Variants in KDM4D observed in about 807,000 individuals in gnomAD.
KDM4D encodes lysine-specific demethylase 4D.
For missense variants in KDM4D, 427 were observed against 674.8 expected, an observed-to-expected ratio of 0.63 and a Z score of 4.07; for synonymous variants, 254 against 249.1, an observed-to-expected ratio of 1.02 and a Z score of -0.19.
chr11:94,983,878 T>C (rs998394953), intron 2 of KDM4D, among the ~76,000 whole-genome samples: 1 of 152,174 alleles, frequency 6.6e-6, no homozygotes, highest in Non-Finnish European at 1.5e-5. Flanking sequence ...GGATAGCCAC[T>C]AGGTAGAGCA....
chr11:94,992,582 A>C (rs1304279419), intron 2 of KDM4D, among the ~76,000 whole-genome samples: 1 of 152,014 alleles, frequency 6.6e-6, no homozygotes, highest in Non-Finnish European at 1.5e-5. Flanking sequence ...TGTAAAATAT[A>C]TTTTTTCTTT....
chr11:94,984,092 A>G (rs1857864383), intron 2 of KDM4D, among the ~76,000 whole-genome samples: 1 of 152,190 alleles, frequency 6.6e-6, no homozygotes, highest in African/African-American at 2.4e-5. Context: ...CAGACCATAT[A>G]TAGTGTATGT....
intron 2 of KDM4D, among the ~76,000 whole-genome samples, chr11:94,992,104 G>A (rs1003873114): frequency 6.6e-6 from 1 of 151,362 alleles, no homozygotes; most frequent in Non-Finnish European, 1.5e-5. Context: ...CATATACAAA[G>A]GAAAAAACTA....
intron 2 of KDM4D, among the ~76,000 whole-genome samples, chr11:94,975,997 A>G (rs782166341): frequency 2.0e-4 from 31 of 152,360 alleles, no homozygotes; most frequent in Middle Eastern, 3.4e-3. Flanking sequence ...AATATAGTCA[A>G]TCCACAAAAT....
Position 94,978,068 on chromosome 11 carries a change from G to A in KDM4D, c.-350+2320G>A, listed in dbSNP as rs587671061. ...AGACCCAGAAATATGACTTTCTTTC[G>A]GGAGAGAATCTCTAAATGAAAAAAA... On this transcript the variant is annotated intron_variant, in intron 2 of 2. Coordinates refer to ENST00000335080, the MANE Select transcript of KDM4D (RefSeq NM_018039.3). Among the ~76,000 whole-genome samples, 14 of 152,072 alleles carry A rather than the reference G, an allele frequency of 9.2e-5. No homozygotes were observed. The South Asian group carries it at 2.3e-3, about 25-fold the overall frequency.
At position 94,988,328 on chromosome 11, in the gene KDM4D, A is replaced by G. The variant is rs1466091856; in HGVS notation, c.-349-8696A>G. Among the ~76,000 whole-genome samples, 3 of 152,330 alleles carry G rather than the reference A, an allele frequency of 2.0e-5. No homozygotes were observed. In the East Asian group the frequency reaches 5.8e-4, roughly 29 times the overall value. ...GCATACTTTGGGAGAGAGTTGTGATATTTGTGGCCATCAAATAACTTTAAA... is the reference window on the plus strand; with the variant it reads ...GCATACTTTGGGAGAGAGTTGTGATGTTTGTGGCCATCAAATAACTTTAAA... On this transcript the variant is annotated intron_variant, in intron 2 of 2. Coordinates refer to ENST00000335080, the MANE Select transcript of KDM4D (RefSeq NM_018039.3).
Position 94,998,448 on chromosome 11 carries a change from G to A in KDM4D, c.1076G>A (p.Ser359Asn), listed in dbSNP as rs587634332. ...AGGGTACCAGCCAGCCAAGAGCTGA[G>A]CACCCAGAAGGAAGTCCAGTTACCC... Reference protein sequence around the residue: ...EPRVPASQELSTQKEVQLPRR... With the variant: ...EPRVPASQELNTQKEVQLPRR... The change falls in exon 3 of 3, where the codon AGC (serine) becomes AAC (asparagine). Residue 359 changes from serine to asparagine, a missense_variant. By Grantham distance (46) the Ser-to-Asn change is conservative. Transcript: ENST00000335080. This position sits in a 1 kb window ranked among gnomAD's most constrained non-coding sequence, Gnocchi z 6.7. 19 of 1,613,374 alleles carry A rather than the reference G, an allele frequency of 1.2e-5. No homozygotes were observed. The African/African-American group carries it at 2.4e-4, about 20-fold the overall frequency.
Position 94,991,903 on chromosome 11 carries a change from A to G in KDM4D, c.-349-5121A>G, listed in dbSNP as rs587655743. Among the ~76,000 whole-genome samples the G allele has an allele frequency of 2.6e-5, 4 of 152,058 alleles. No individual in the cohort carries two copies. In the East Asian group the frequency reaches 7.7e-4, roughly 29 times the overall value. The stretch of plus-strand genomic sequence containing the variant: ...AGCTTCTATAAACGTTGATAGAGAG[A>G]CAAACAACCTAAAATAAACAACACA... On this transcript the variant is annotated intron_variant, in intron 2 of 2. Coordinates refer to ENST00000335080, the MANE Select transcript of KDM4D (RefSeq NM_018039.3).
intron 2 of KDM4D, among the ~76,000 whole-genome samples, chr11:94,982,295 G>C (rs587671147): frequency 8.5e-4 from 129 of 151,962 alleles, no homozygotes; most frequent in African/African-American, 2.7e-3. Context: ...CGGCAGAACT[G>C]AATTTTATAT....
rs375294051 is a variant in KDM4D at position 94,986,810 on chromosome 11, C to T, written c.-349-10214C>T. ...TATCACATGGCTCAGCAATTATACT[C>T]CTACGTATCTACCCAAGATAAATAA... On this transcript the variant is annotated intron_variant, in intron 2 of 2. Transcript: ENST00000335080. Among the ~76,000 whole-genome samples, 121 of 152,246 alleles carry T rather than the reference C, an allele frequency of 7.9e-4. 4 individuals carry two copies. The South Asian group carries it at 0.024, about 31-fold the overall frequency.
intron 2 of KDM4D, among the ~76,000 whole-genome samples, chr11:94,989,073 A>T (rs1857912227): frequency 6.6e-6 from 1 of 152,218 alleles, no homozygotes; most frequent in Non-Finnish European, 1.5e-5. Flanking sequence ...TCTGGAAATG[A>T]ATCTGGGAAT....
In KDM4D at chr11:94,993,127, A is replaced by G. The variant is rs181945583; in HGVS notation, c.-349-3897A>G. ...AACTTGCCCAGTTTAACACCCCCCA[A>G]CACACACACACAGCAAGAAGCTTAG... On this transcript the variant is annotated intron_variant, in intron 2 of 2. Transcript: ENST00000335080. Among the ~76,000 whole-genome samples the G allele has an allele frequency of 5.9e-3, 895 of 151,880 alleles. 7 individuals carry two copies. Among genetic ancestry groups the G allele is most frequent in the South Asian group, 0.03 (146 of 4,818 alleles).
chr11:94,993,274 A>G (rs1349998408), intron 2 of KDM4D, among the ~76,000 whole-genome samples: 1 of 152,204 alleles, frequency 6.6e-6, no homozygotes, highest in Middle Eastern at 3.2e-3. Flanking sequence ...TTTGGTTGTC[A>G]GAACTGTCAA....
intron 2 of KDM4D, among the ~76,000 whole-genome samples, chr11:94,986,270 A>T (rs782628013): frequency 1.3e-5 from 2 of 152,320 alleles, no homozygotes; most frequent in Admixed American, 6.5e-5. Flanking sequence ...GTGCAATATC[A>T]TGAGTCATTA....
chr11:94,989,923 T>G (rs1011253797), intron 2 of KDM4D, among the ~76,000 whole-genome samples: 10 of 151,922 alleles, frequency 6.6e-5, no homozygotes, highest in Admixed American at 6.6e-4. Context: ...CACGTCCAGC[T>G]AATTTTTGTA....
chr11:94,993,686 C>T (rs1227458355), intron 2 of KDM4D, among the ~76,000 whole-genome samples: 2 of 151,752 alleles, frequency 1.3e-5, no homozygotes, highest in African/African-American at 4.8e-5. Context: ...AGTGCTCAAC[C>T]CAAAGCTTAT....
chr11:94,991,911 C>A (rs1312078027), intron 2 of KDM4D, among the ~76,000 whole-genome samples: 3 of 151,436 alleles, frequency 2.0e-5, no homozygotes, highest in African/African-American at 7.3e-5. Context: ...AGACAAACAA[C>A]CTAAAATAAA....
intron 2 of KDM4D, among the ~76,000 whole-genome samples, chr11:94,992,101 A>G (rs1316915917): frequency 1.3e-5 from 2 of 152,108 alleles, no homozygotes; most frequent in Non-Finnish European, 2.9e-5. Flanking sequence ...TAGCATATAC[A>G]AAGGAAAAAA....
At chr11:94,981,424 ATCTT>A (rs1190649717) in intron 2 of KDM4D, among the ~76,000 whole-genome samples, 1 of 151,928 alleles carries the variant, frequency 6.6e-6, no homozygotes, top group Non-Finnish European at 1.5e-5. Flanking sequence ...AGATTGGAAT[ATCTT>A]TCTTGAATGT....
Sources: allele counts gnomAD v4.1 joint callset (sites outside exome capture counted in the v4.1 genomes callset), GRCh38; gene constraint gnomAD v4.1.1; non-coding constraint Gnocchi (gnomAD v3.1); transcripts MANE v1.5; gene names NCBI Gene and HGNC (gene_info 2026-07-23, HGNC 2026-07-21).